Variants in ZNF569 observed in about 807,000 individuals in gnomAD.
ZNF569 encodes zinc finger protein 569, also known as DNA-binding protein.
ZNF569 carries 38 observed loss-of-function variants against 56.3 expected under a neutral mutation model. That is an observed-to-expected ratio of 0.68 (90% CI 0.52 to 0.88). ZNF569 has a LOEUF of 0.88. Ranked by LOEUF, ZNF569 falls within the 40% of genes least tolerant of loss-of-function variation. ZNF569 has a pLI of 0.00. For missense variants in ZNF569, 666 were observed against 809.2 expected, an observed-to-expected ratio of 0.82 and a Z score of 2.15; for synonymous variants, 241 against 262.9, an observed-to-expected ratio of 0.92 and a Z score of 0.81.
chr19:37,442,047 T>C (rs952390309), intron 3 of ZNF569, among the ~76,000 whole-genome samples: 11 of 152,244 alleles, frequency 7.2e-5, no homozygotes, highest in Non-Finnish European at 1.3e-4. Flanking sequence ...TTTTTCATTT[T>C]ATCAATCAGA....
At chr19:37,462,390 T>G (rs761725466) in intron 2 of ZNF569, among the ~76,000 whole-genome samples, 22 of 151,560 alleles carry the variant, frequency 1.5e-4, no homozygotes, top group Non-Finnish European at 1.9e-4. Context: ...TAACTCCAGC[T>G]ACCATTCCAT....
At chr19:37,441,876 C>T (rs1362794113) in intron 3 of ZNF569, among the ~76,000 whole-genome samples, 1 of 152,158 alleles carries the variant, frequency 6.6e-6, no homozygotes, top group South Asian at 2.1e-4. Context: ...CTAGCTAAAT[C>T]ATCCAGCATA....
chr19:37,469,224 G>T (rs975103203), upstream of ZNF569: 16 of 1,324,400 alleles, frequency 1.2e-5, no homozygotes, highest in Non-Finnish European at 1.5e-5. Flanking sequence ...AACCCTGCGC[G>T]GAGCTGCACC....
intron 5 of ZNF569, among the ~76,000 whole-genome samples, chr19:37,420,877 A>G (rs1485063660): frequency 6.6e-6 from 1 of 152,224 alleles, no homozygotes; most frequent in Non-Finnish European, 1.5e-5. Flanking sequence ...TACAGAATGT[A>G]TTTCGTAAAT....
intron 3 of ZNF569, among the ~76,000 whole-genome samples, chr19:37,429,248 A>G (rs1600306981): frequency 6.6e-6 from 1 of 152,234 alleles, no homozygotes; most frequent in African/African-American, 2.4e-5. Flanking sequence ...GAGGTATACC[A>G]TTTCTCCTAA....
chr19:37,442,257 G>A (rs2041418998), intron 3 of ZNF569, among the ~76,000 whole-genome samples: 1 of 152,190 alleles, frequency 6.6e-6, no homozygotes, highest in Non-Finnish European at 1.5e-5. Context: ...AGTAACCAAA[G>A]ACAACCTTGA....
At chr19:37,438,145 A>T (rs1184988569) in intron 3 of ZNF569, among the ~76,000 whole-genome samples, 1 of 152,154 alleles carries the variant, frequency 6.6e-6, no homozygotes, top group Non-Finnish European at 1.5e-5. Flanking sequence ...TTGTGCCTGT[A>T]ATCCCAGCAC....
intron 3 of ZNF569, among the ~76,000 whole-genome samples, chr19:37,437,480 A>C (rs1291679054): frequency 6.6e-6 from 1 of 152,224 alleles, no homozygotes; most frequent in African/African-American, 2.4e-5. Flanking sequence ...AATCCTAGCA[A>C]GAGAAATCAG....
chr19:37,423,140 C>T (rs983358872), intron 5 of ZNF569, among the ~76,000 whole-genome samples: 2 of 151,992 alleles, frequency 1.3e-5, no homozygotes, highest in Non-Finnish European at 2.9e-5. Flanking sequence ...AATTTGAAGA[C>T]TAGAATTAAG....
intron 1 of ZNF569, among the ~76,000 whole-genome samples, chr19:37,466,277 A>G (rs1421828001): frequency 2.6e-5 from 4 of 152,254 alleles, no homozygotes; most frequent in Admixed American, 6.5e-5. Flanking sequence ...CTAATACACG[A>G]AAATAAAATT....
intron 5 of ZNF569, among the ~76,000 whole-genome samples, chr19:37,419,221 G>A (rs2040987824): frequency 6.6e-6 from 1 of 152,104 alleles, no homozygotes; most frequent in South Asian, 2.1e-4. Context: ...CTCCCATTCT[G>A]TAGGTTGTAT....
At chr19:37,452,974 C>A (rs1312788000) in intron 2 of ZNF569, among the ~76,000 whole-genome samples, 1 of 152,242 alleles carries the variant, frequency 6.6e-6, no homozygotes, top group South Asian at 2.1e-4. Flanking sequence ...CTATAACCCA[C>A]TTAAGCCTTC....
At chr19:37,433,913 G>A (rs1406904995) in intron 3 of ZNF569, among the ~76,000 whole-genome samples, 3 of 152,148 alleles carry the variant, frequency 2.0e-5, no homozygotes, top group Admixed American at 1.3e-4. Flanking sequence ...TCATGTGAAA[G>A]TACAAAATTC....
At chr19:37,468,567 C>A (rs2041892431), upstream of ZNF569, among the ~76,000 whole-genome samples, 1 of 152,230 alleles carries the variant, frequency 6.6e-6, no homozygotes, top group Non-Finnish European at 1.5e-5. Context: ...GCGATCTCGG[C>A]TCACTGCAAC....
intron 2 of ZNF569, among the ~76,000 whole-genome samples, chr19:37,462,418 GAA>G (rs1198579734): frequency 2.5e-5 from 3 of 121,620 alleles, no homozygotes; most frequent in African/African-American, 3.1e-5. Context: ...CTTCCATTTA[GAA>G]AAAAAAAAAA....
chr19:37,418,498 G>T (rs2040974611), intron 5 of ZNF569, among the ~76,000 whole-genome samples: 1 of 152,232 alleles, frequency 6.6e-6, no homozygotes, highest in East Asian at 1.9e-4. Flanking sequence ...AATTTTAGCA[G>T]ATGGAAGAAG....
chr19:37,457,735 T>C (rs2041696607), intron 2 of ZNF569, among the ~76,000 whole-genome samples: 1 of 151,524 alleles, frequency 6.6e-6, no homozygotes, highest in East Asian at 1.9e-4. Context: ...ATACCTAATG[T>C]GAATGACGAG....
chr19:37,426,000 A>G, intron 4 of ZNF569, 37 bp from the exon 5 acceptor site: 1 of 1,603,190 alleles, frequency 6.2e-7, no homozygotes, highest in Non-Finnish European at 8.5e-7. Flanking sequence ...GGGCATACAT[A>G]CTAGGAACAA....
At chr19:37,450,941 A>G (rs2041581670) in intron 2 of ZNF569, among the ~76,000 whole-genome samples, 3 of 152,218 alleles carry the variant, frequency 2.0e-5, no homozygotes, top group South Asian at 4.2e-4. Context: ...TCCTTGTTAT[A>G]TTGATTTCTA....
Sources: gnomAD v4.1 joint callset for allele counts (sites outside exome capture counted in the v4.1 genomes callset) on GRCh38, gnomAD v4.1.1 for gene constraint, MANE v1.5 for transcripts, NCBI Gene and HGNC (gene_info 2026-07-23, HGNC 2026-07-21) for gene names.